The following XKR9 variants were observed in gnomAD, a reference collection of about 807,000 sequenced individuals.
The protein encoded by XKR9 is XK related 9, also known as XK-related protein 9.
XKR9 carries 32 observed loss-of-function variants against 32.0 expected under a neutral mutation model. The ratio of observed to expected loss-of-function variants is 1.00; its 90% CI spans 0.76 to 1.34. The LOEUF is 1.34. XKR9 is among the 40% of genes most tolerant of loss of function. XKR9 has a pLI of 0.00. For missense variants in XKR9, 546 were observed against 429.7 expected (o/e 1.27, Z -2.39); for synonymous variants, 168 against 143.4 (o/e 1.17, Z -1.22).
At chr8:70,895,726 T>C in the XKR9 span, among the ~76,000 whole-genome samples, 3 of 149,976 alleles carry the variant, frequency 2.0e-5, no homozygotes, top group Non-Finnish European at 4.4e-5. Context: ...GGTTCATGCC[T>C]GCAATCCCAG....
At chr8:70,955,958 A>G in the XKR9 span, among the ~76,000 whole-genome samples, 1 of 152,158 alleles carries the variant, frequency 6.6e-6, no homozygotes, top group African/African-American at 2.4e-5. Flanking sequence ...ACGTGGTGGC[A>G]CCCAAAAGCT....
the XKR9 span, among the ~76,000 whole-genome samples, chr8:70,910,953 T>A: frequency 2.5e-4 from 38 of 152,352 alleles, no homozygotes; most frequent in African/African-American, 8.9e-4. Flanking sequence ...CATCTTCAAG[T>A]CCAGCACCTA....
intron 2 of XKR9, among the ~76,000 whole-genome samples, chr8:70,743,661 G>T (rs943206871): frequency 3.3e-5 from 5 of 152,074 alleles, no homozygotes; most frequent in African/African-American, 4.8e-5. Context: ...CTAAAATTGG[G>T]CAGAATTAAT....
the XKR9 span, among the ~76,000 whole-genome samples, chr8:70,893,507 T>A: frequency 6.6e-6 from 1 of 152,204 alleles, no homozygotes; most frequent in Non-Finnish European, 1.5e-5. Context: ...ATTAAGAATT[T>A]CACCTGTAGT....
At chr8:70,681,436 C>G (rs1250016179) in intron 3 of XKR9, 106 bp downstream of exon 3, 2 of 1,260,508 alleles carry the variant, frequency 1.6e-6, no homozygotes, top group East Asian at 4.6e-5. Flanking sequence ...CCCTTATTTG[C>G]ATGAAGCACA....
the XKR9 span, among the ~76,000 whole-genome samples, chr8:71,045,180 T>C: frequency 6.6e-6 from 1 of 152,250 alleles, no homozygotes; most frequent in Non-Finnish European, 1.5e-5. Context: ...CTGTAGGTTA[T>C]AAATCTTTAG....
chr8:70,931,647 C>T, the XKR9 span, among the ~76,000 whole-genome samples: 1 of 152,112 alleles, frequency 6.6e-6, no homozygotes, highest in Non-Finnish European at 1.5e-5. Flanking sequence ...GCAGGCTGTA[C>T]AGGAAGCATG....
chr8:70,935,621 T>C, the XKR9 span, among the ~76,000 whole-genome samples: 1 of 152,024 alleles, frequency 6.6e-6, no homozygotes, highest in Non-Finnish European at 1.5e-5. Flanking sequence ...GTTGGATGAA[T>C]TCTAAATGTT....
the XKR9 span, among the ~76,000 whole-genome samples, chr8:70,994,938 G>A: frequency 2.0e-5 from 3 of 152,078 alleles, no homozygotes; most frequent in Non-Finnish European, 2.9e-5. Flanking sequence ...GTAACTATAT[G>A]GGGGAACTAA....
chr8:70,950,581 G>A, the XKR9 span, among the ~76,000 whole-genome samples: 2 of 152,188 alleles, frequency 1.3e-5, no homozygotes, highest in African/African-American at 2.4e-5. Flanking sequence ...ACAGCCTTGA[G>A]TTTCGTCTTT....
At chr8:70,723,438 G>A (rs1410884604) in intron 4 of XKR9, among the ~76,000 whole-genome samples, 1 of 152,072 alleles carries the variant, frequency 6.6e-6, no homozygotes, top group Non-Finnish European at 1.5e-5. Flanking sequence ...TCATCTTCGT[G>A]GATTTATCTA....
At chr8:71,050,247 A>C in the XKR9 span, among the ~76,000 whole-genome samples, 1 of 121,690 alleles carries the variant, frequency 8.2e-6, no homozygotes, top group African/African-American at 3.8e-5. Flanking sequence ...ATATATATAT[A>C]TATATATATA....
At chr8:70,700,621 C>G (rs972327828) in intron 3 of XKR9, among the ~76,000 whole-genome samples, 2 of 152,048 alleles carry the variant, frequency 1.3e-5, no homozygotes, top group Non-Finnish European at 2.9e-5. Context: ...TTAGGCTGCT[C>G]GGGGGTCAGG....
the XKR9 span, among the ~76,000 whole-genome samples, chr8:70,989,502 G>T: frequency 0.1 from 15,383 of 152,140 alleles, 851 homozygotes; most frequent in Middle Eastern, 0.14. Context: ...CAAGGGTCTA[G>T]TTAAGACTTT....
intron 2 of XKR9, among the ~76,000 whole-genome samples, chr8:70,779,698 C>T (rs190511766): frequency 6.0e-4 from 91 of 152,062 alleles, no homozygotes; most frequent in African/African-American, 2.1e-3. Flanking sequence ...TGTGTGTGTC[C>T]AGGAATTTAT....
intron 2 of XKR9, among the ~76,000 whole-genome samples, chr8:70,785,948 A>G (rs1586898357): frequency 1.3e-5 from 2 of 151,834 alleles, no homozygotes; most frequent in African/African-American, 4.8e-5. Context: ...CTCAGCCTCC[A>G]AAAGTGCTGG....
the XKR9 span, among the ~76,000 whole-genome samples, chr8:70,997,977 C>G: frequency 6.6e-6 from 1 of 152,178 alleles, no homozygotes; most frequent in Non-Finnish European, 1.5e-5. Context: ...CCCACCTCCT[C>G]TGCCCCACTC....
chr8:70,736,004 G>T (rs528346288), downstream of XKR9: 6 of 152,182 alleles, frequency 3.9e-5, no homozygotes, highest in African/African-American at 1.4e-4. Flanking sequence ...GGGTCAAATG[G>T]TATTTCTAGT....
At chr8:70,705,273 A>G (rs1277541560) in intron 3 of XKR9, among the ~76,000 whole-genome samples, 1 of 152,212 alleles carries the variant, frequency 6.6e-6, no homozygotes, top group Admixed American at 6.5e-5. Context: ...GCAATGAACA[A>G]AACAAAGTCT....
Sources: gnomAD v4.1 joint callset for allele counts (sites outside exome capture counted in the v4.1 genomes callset) on GRCh38, gnomAD v4.1.1 for gene constraint, MANE v1.5 for transcripts, NCBI Gene and HGNC (gene_info 2026-07-23, HGNC 2026-07-21) for gene names.